Variants in AREL1 observed in about 807,000 individuals in gnomAD.
AREL1 encodes apoptosis-resistant E3 ubiquitin protein ligase 1.
In AREL1, 62 loss-of-function variants were observed where a neutral mutation model predicts 99.0. The ratio of observed to expected loss-of-function variants is 0.63; its 90% CI spans 0.51 to 0.77. AREL1 has a LOEUF of 0.77. Among genes scored for constraint, AREL1 ranks in the 30% least tolerant of loss-of-function variants. AREL1 has a pLI of 0.00. For synonymous variants in AREL1, 380 were observed against 376.5 expected, an observed-to-expected ratio of 1.01 and a Z score of -0.11; for missense variants, 879 against 1,027.6, an observed-to-expected ratio of 0.86 and a Z score of 1.98.
In AREL1 at chr14:74,690,111, C is replaced by T. The variant is rs144426845; in HGVS notation, c.-46+1930G>A. On this transcript the variant is annotated intron_variant, in intron 2 of 19. Coordinates refer to ENST00000356357, the MANE Select transcript of AREL1 (RefSeq NM_001039479.2). ...AAAACTTGAAAACAAATTAGCTGGG[C>T]GTGCTGGCACACACCTATATCCAAG... Among the ~76,000 whole-genome samples, 1,060 of 151,532 alleles carry T rather than the reference C, an allele frequency of 7.0e-3. 18 individuals carry two copies. The highest frequency in any genetic ancestry group is 0.036 in the East Asian group (181 of 5,088).
At chr14:74,710,995 G>A (rs542618198) in intron 1 of AREL1, among the ~76,000 whole-genome samples, 1 of 152,262 alleles carries the variant, frequency 6.6e-6, no homozygotes, top group East Asian at 1.9e-4. Context: ...ACTTTGGGAG[G>A]CCAAGGTGGG....
Position 74,663,799 on chromosome 14 carries a change from G to A in AREL1, c.2393C>T (p.Thr798Ile). 6.2e-7 allele frequency: 1 copy of A among 1,614,192 alleles called. No homozygotes were observed. Among genetic ancestry groups the A allele is most frequent in the Non-Finnish European group, 8.5e-7 (1 of 1,180,024 alleles). ...GTGCACCTCTTCATAGGAGTCATAT[G>A]TAGGGAGGCACAGCTGGTTAAAACT... ...HTCFNQLCLPTYDSYEEVHRM... is the reference protein window; with the variant it reads ...HTCFNQLCLPIYDSYEEVHRM... The change falls in exon 20 of 20, where the codon ACA (threonine) becomes ATA (isoleucine). Residue 798 changes from threonine (T) to isoleucine (I), a missense_variant. Transcript: ENST00000356357.
chr14:74,664,753 C>T, intron 18 of AREL1, 83 bp downstream of exon 18: 1 of 1,218,632 alleles, frequency 8.2e-7, no homozygotes, highest in Non-Finnish European at 1.2e-6. Context: ...GCCACTGCGC[C>T]CGGCCTCCTC....
chr14:74,699,087 G>GT (rs2090029363), intron 1 of AREL1, among the ~76,000 whole-genome samples: 1 of 152,176 alleles, frequency 6.6e-6, no homozygotes, highest in African/African-American at 2.4e-5. Context: ...CCATGTAGTG[G>GT]TTAAGAGCAT....
intron 1 of AREL1, among the ~76,000 whole-genome samples, chr14:74,707,961 A>T (rs1356215600): frequency 6.9e-6 from 1 of 145,716 alleles, no homozygotes; most frequent in Non-Finnish European, 1.5e-5. Context: ...TCGCCTCAGA[A>T]AAAAAAAAAA....
chr14:74,673,416 A>G (rs1228995128), intron 9 of AREL1, among the ~76,000 whole-genome samples, 198 bp from the exon 10 acceptor site: 2 of 152,184 alleles, frequency 1.3e-5, no homozygotes, highest in African/African-American at 2.4e-5. Flanking sequence ...TTAGTCACAG[A>G]GACTGCCTTT....
At chr14:74,702,198 G>C (rs1055959352) in intron 1 of AREL1, among the ~76,000 whole-genome samples, 1 of 152,212 alleles carries the variant, frequency 6.6e-6, no homozygotes, top group Non-Finnish European at 1.5e-5. Flanking sequence ...GGGACTCTGT[G>C]TGGGAGCTTC....
intron 15 of AREL1, among the ~76,000 whole-genome samples, chr14:74,669,044 C>G (rs752811143): frequency 6.6e-6 from 1 of 152,108 alleles, no homozygotes; most frequent in East Asian, 1.9e-4. Flanking sequence ...CACAGGCACA[C>G]GCCACCATAC....
At chr14:74,705,111 C>A (rs2090152854) in intron 1 of AREL1, among the ~76,000 whole-genome samples, 1 of 151,838 alleles carries the variant, frequency 6.6e-6, no homozygotes. Flanking sequence ...ACCATCTCGG[C>A]TCACCGCAAC....
chr14:74,700,123 A>AT lies in AREL1; in HGVS notation c.-333-7796dup, dbSNP rs2090056183. Among the ~76,000 whole-genome samples, 4 of 152,310 alleles carry AT rather than the reference A, an allele frequency of 2.6e-5. No homozygotes were observed. In the South Asian group the frequency reaches 8.3e-4, roughly 32 times the overall value. ...CTACAGCAACAATCCAAAATAATGG[A>AT]TTTTCCAGTGTTCTCTGAAGGATGA... On this transcript the variant is annotated intron_variant, in intron 1 of 19. Coordinates refer to ENST00000356357, the MANE Select transcript of AREL1 (RefSeq NM_001039479.2).
intron 1 of AREL1, among the ~76,000 whole-genome samples, chr14:74,697,052 G>A (rs890474760): frequency 1.3e-5 from 2 of 152,184 alleles, no homozygotes; most frequent in East Asian, 3.8e-4. Context: ...AGCTAAGGCA[G>A]GAGGATCTCC....
In AREL1 at chr14:74,662,366, G is replaced by C. The variant is rs2089104208; in HGVS notation, c.*1354C>G. ...ATAAAGATGGCTTGTAATATTCTCA[G>C]AGTTGACTGCCCCATTGGGAATGGT... On this transcript the variant is annotated 3_prime_UTR_variant, in exon 20 of 20. Transcript: ENST00000356357. 2.6e-6 allele frequency: 1 copy of C among 387,188 alleles called. No individual in the cohort carries two copies. Among genetic ancestry groups the C allele is most frequent in the Non-Finnish European group, 4.6e-6 (1 of 219,200 alleles). 24.0% of individuals were successfully genotyped at this position (387,188 alleles called of 1,614,324 possible).
intron 16 of AREL1, 39 bp from the exon 17 acceptor site, chr14:74,667,416 A>T: frequency 6.2e-7 from 1 of 1,614,198 alleles, no homozygotes. Context: ...TACCCACACC[A>T]TGGATACAGG....
intron 1 of AREL1, chr14:74,698,896 C>G (rs1284770079): frequency 6.0e-6 from 1 of 165,874 alleles, no homozygotes; most frequent in Non-Finnish European, 1.3e-5. Context: ...TGGTGGTATG[C>G]ACCTATGGTC....
chr14:74,685,462 C>T, intron 3 of AREL1, 138 bp downstream of exon 3: 1 of 977,660 alleles, frequency 1.0e-6, no homozygotes, highest in Middle Eastern at 2.1e-4. Flanking sequence ...CCAATGCCAA[C>T]TCTGTGAAGG....
chr14:74,687,967 AG>A (rs2089783185), intron 2 of AREL1, among the ~76,000 whole-genome samples: 1 of 151,578 alleles, frequency 6.6e-6, no homozygotes, highest in Admixed American at 6.6e-5. Context: ...TTTACAATAA[AG>A]GGTTAAAAAC....
chr14:74,675,962 G>A lies in AREL1; in HGVS notation c.833-16C>T. 1.9e-6 allele frequency: 3 copies of A among 1,565,196 alleles called. No homozygotes were observed. The highest frequency in any genetic ancestry group is 2.6e-6 in the Non-Finnish European group (3 of 1,156,130). On this transcript the variant is annotated splice_polypyrimidine_tract_variant and intron_variant, in intron 7 of 19. Coordinates refer to ENST00000356357, the MANE Select transcript of AREL1 (RefSeq NM_001039479.2). ...TTCTCATCCTCTGAAGTATAATAAG[G>A]AATAAGGTTTAAAGTAGAAGTCAGA...
At chr14:74,694,713 G>T (rs981480863) in intron 1 of AREL1, among the ~76,000 whole-genome samples, 1 of 152,084 alleles carries the variant, frequency 6.6e-6, no homozygotes, top group African/African-American at 2.4e-5. Flanking sequence ...AAAGAGGCTG[G>T]GCACGGTGGC....
Position 74,713,028 on chromosome 14 carries a change from CAACAG to C in AREL1, c.-434_-430del. On this transcript the variant is annotated 5_prime_UTR_variant, in exon 1 of 20. Transcript: ENST00000356357. ...GAAGACGGGCTCCCCACTCTCCCAC[CAACAG>C]ACCCCAGAGTTGGTCTCCACCCGGC... The C allele has an allele frequency of 8.8e-7, 1 of 1,139,894 alleles. No individual in the cohort carries two copies. Among genetic ancestry groups the C allele is most frequent in the Non-Finnish European group, 1.3e-6 (1 of 758,482 alleles). 70.6% of individuals were successfully genotyped at this position (1,139,894 alleles called of 1,614,324 possible).
Sources: gnomAD v4.1 joint callset for allele counts (sites outside exome capture counted in the v4.1 genomes callset) on GRCh38, gnomAD v4.1.1 for gene constraint, MANE v1.5 for transcripts, NCBI Gene and HGNC (gene_info 2026-07-23, HGNC 2026-07-21) for gene names.